The following TFEC variants were observed in gnomAD, a reference collection of about 807,000 sequenced individuals.
TFEC encodes the protein class E basic helix-loop-helix protein 34.
In TFEC, 31 loss-of-function variants were observed where a neutral mutation model predicts 41.6. The observed-to-expected ratio is 0.74, with a 90% confidence interval of 0.56 to 1.01. TFEC has a LOEUF of 1.01. Among genes scored for constraint, TFEC ranks in the 50% least tolerant of loss-of-function variants. TFEC has a pLI of 0.00. For missense variants in TFEC, 402 were observed against 404.1 expected (o/e 0.99, Z 0.04); for synonymous variants, 143 against 140.6 (o/e 1.02, Z -0.12).
rs922639788 is a variant in TFEC at position 115,940,177 on chromosome 7, A to C, written c.*374T>G. ...AAGAGAAGATGGAAATGAGTAACTA[A>C]GAGACTGTTTGTATATTTCAGTCGT... On this transcript the variant is annotated 3_prime_UTR_variant, in exon 8 of 8. Transcript: ENST00000265440. 2 of 161,152 alleles carry C rather than the reference A, an allele frequency of 1.2e-5. No individual in the cohort carries two copies. Among genetic ancestry groups the C allele is most frequent in the Non-Finnish European group, 2.7e-5 (2 of 73,830 alleles). The allele number at this position is 161,152 out of a possible 1,614,324, so 10.0% of individuals were successfully genotyped here.
At chr7:115,955,844 T>C (rs989255001) in intron 4 of TFEC, among the ~76,000 whole-genome samples, 10 of 152,018 alleles carry the variant, frequency 6.6e-5, no homozygotes, top group African/African-American at 2.4e-4. Context: ...GTCTGAATAA[T>C]TTGGATGCAT....
chr7:116,083,597 T>C (rs1343355719), intron 3 of TFEC, among the ~76,000 whole-genome samples: 1 of 151,996 alleles, frequency 6.6e-6, no homozygotes, highest in African/African-American at 2.4e-5. Flanking sequence ...CCTGGGTCAA[T>C]AATTCAACTT....
At chr7:116,088,953 C>T (rs1470721648) in intron 3 of TFEC, among the ~76,000 whole-genome samples, 5 of 152,038 alleles carry the variant, frequency 3.3e-5, no homozygotes, top group African/African-American at 4.8e-5. Flanking sequence ...GTTCAAGACT[C>T]AGTTCATGAA....
chr7:115,966,154 G>T (rs1792836959), intron 3 of TFEC, among the ~76,000 whole-genome samples: 1 of 151,538 alleles, frequency 6.6e-6, no homozygotes, highest in African/African-American at 2.4e-5. Context: ...CCAAATTCTT[G>T]CGTTTAGTTT....
upstream of TFEC, among the ~76,000 whole-genome samples, chr7:116,035,434 C>T (rs1795887506): frequency 6.6e-6 from 1 of 152,170 alleles, no homozygotes; most frequent in South Asian, 2.1e-4. Flanking sequence ...ACACTTTACA[C>T]ATATTTCTTT....
At chr7:116,128,379 C>T (rs1256185308) in intron 1 of TFEC, among the ~76,000 whole-genome samples, 2 of 152,028 alleles carry the variant, frequency 1.3e-5, no homozygotes, top group African/African-American at 4.8e-5. Context: ...TGACACTCCA[C>T]GGTGAGGGCA....
At chr7:116,016,388 A>T (rs1795191259) in intron 1 of TFEC, among the ~76,000 whole-genome samples, 2 of 152,146 alleles carry the variant, frequency 1.3e-5, no homozygotes, top group African/African-American at 4.8e-5. Context: ...GGATCTCATC[A>T]GTGCTCATGG....
At chr7:116,058,779 C>T (rs1056884286) in intron 3 of TFEC, among the ~76,000 whole-genome samples, 2 of 151,638 alleles carry the variant, frequency 1.3e-5, no homozygotes, top group Non-Finnish European at 3.0e-5. Context: ...ATATAATATA[C>T]TTTAAAATAA....
At chr7:116,123,367 T>G (rs961369088) in intron 1 of TFEC, among the ~76,000 whole-genome samples, 1 of 152,162 alleles carries the variant, frequency 6.6e-6, no homozygotes. Context: ...TTCTAGTTTG[T>G]CTTGAAAGCA....
rs532390269 is a variant in TFEC at position 116,101,086 on chromosome 7, C to T, written c.198+9622G>A. ...AATTTATTGAAACAAAGAAACATTG[C>T]CTTTTTGGTATAAACTTCAATTCAC... On this transcript the variant is annotated intron_variant, in intron 3 of 8. Coordinates refer to the TFEC transcript ENST00000484212. Among the ~76,000 whole-genome samples the T allele has an allele frequency of 2.0e-5, 3 of 152,002 alleles. No individual in the cohort carries two copies. In the East Asian group the frequency reaches 5.8e-4, roughly 29 times the overall value.
chr7:115,952,482 A>T (rs948778112), intron 5 of TFEC, among the ~76,000 whole-genome samples: 1 of 152,086 alleles, frequency 6.6e-6, no homozygotes, highest in Non-Finnish European at 1.5e-5. Context: ...ATGAAGAACA[A>T]CTATGAAGGA....
In TFEC at chr7:116,051,658, A is replaced by G. The variant is rs557918144; in HGVS notation, c.198+59050T>C. On this transcript the variant is annotated intron_variant, in intron 3 of 8. Transcript: ENST00000484212. ...TGTGTGTGCTTATGTATCTACACACATATATATGAATCTATATTAGCATAA... is the reference window on the plus strand; with the variant it reads ...TGTGTGTGCTTATGTATCTACACACGTATATATGAATCTATATTAGCATAA... Among the ~76,000 whole-genome samples, 6 of 152,314 alleles carry G rather than the reference A, an allele frequency of 3.9e-5. No individual in the cohort carries two copies. The South Asian group carries it at 1.2e-3, about 32-fold the overall frequency.
intron 1 of TFEC, among the ~76,000 whole-genome samples, chr7:116,029,482 GA>G (rs1344613782): frequency 8.5e-5 from 13 of 152,198 alleles, no homozygotes; most frequent in Non-Finnish European, 7.4e-5. Context: ...GAATACGAAA[GA>G]ATCATGAAGG....
At chr7:116,134,663 A>G (rs548309539) in intron 1 of TFEC, among the ~76,000 whole-genome samples, 46 of 152,288 alleles carry the variant, frequency 3.0e-4, no homozygotes, top group South Asian at 1.0e-3. Flanking sequence ...AAAAATTAGA[A>G]GTCTTCTTCG....
At chr7:115,949,770 C>T (rs1791827906) in intron 6 of TFEC, among the ~76,000 whole-genome samples, 1 of 151,980 alleles carries the variant, frequency 6.6e-6, no homozygotes, top group Admixed American at 6.6e-5. Context: ...TAGGCATTAC[C>T]ATTCAGGACC....
intron 1 of TFEC, among the ~76,000 whole-genome samples, chr7:116,017,651 C>T (rs1268854729): frequency 6.6e-6 from 1 of 152,106 alleles, no homozygotes; most frequent in African/African-American, 2.4e-5. Flanking sequence ...GTGGTCTAGC[C>T]ATACTGGACT....
chr7:116,147,453 G>A (rs900246228), intron 1 of TFEC, among the ~76,000 whole-genome samples: 2 of 152,058 alleles, frequency 1.3e-5, no homozygotes, highest in East Asian at 1.9e-4. Context: ...TGTGCACAAC[G>A]TGCAGGTTTA....
chr7:116,032,769 A>G (rs1019417161), upstream of TFEC, among the ~76,000 whole-genome samples: 1 of 152,142 alleles, frequency 6.6e-6, no homozygotes, highest in Non-Finnish European at 1.5e-5. Context: ...TAATCTGTAC[A>G]GCAAACCCCC....
At chr7:116,107,242 C>T (rs886172371) in intron 3 of TFEC, among the ~76,000 whole-genome samples, 1 of 152,050 alleles carries the variant, frequency 6.6e-6, no homozygotes, top group Admixed American at 6.6e-5. Context: ...TCTGTACAAC[C>T]CCTTTTGCCT....
Sources: gnomAD v4.1 joint callset for allele counts (sites outside exome capture counted in the v4.1 genomes callset) on GRCh38, gnomAD v4.1.1 for gene constraint, MANE v1.5 for transcripts, NCBI Gene and HGNC (gene_info 2026-07-23, HGNC 2026-07-21) for gene names.